STRN3: variants seen among roughly 807,000 people sequenced by gnomAD.
The protein encoded by STRN3 is striatin 3, also known as striatin-3.
STRN3 carries 29 observed loss-of-function variants against 95.6 expected under a neutral mutation model. The observed-to-expected ratio is 0.30, with a 90% CI of 0.23 to 0.41. STRN3 has a LOEUF of 0.41. Ranked by LOEUF, STRN3 falls within the 10% of genes least tolerant of loss-of-function variation. STRN3 has a pLI of 1.00. For synonymous variants in STRN3, 331 were observed against 357.6 expected, an observed-to-expected ratio of 0.93 and a Z score of 0.84; for missense variants, 890 against 972.1, an observed-to-expected ratio of 0.92 and a Z score of 1.12.
chr14:30,930,101 A>C (rs914099100), intron 7 of STRN3, among the ~76,000 whole-genome samples: 1 of 152,000 alleles, frequency 6.6e-6, no homozygotes, highest in African/African-American at 2.4e-5. Flanking sequence ...CAGCTATTTT[A>C]GCTGAATAAT....
chr14:30,913,821 A>C (rs1011808987), intron 9 of STRN3, among the ~76,000 whole-genome samples, 164 bp from the exon 10 acceptor site: 1 of 152,210 alleles, frequency 6.6e-6, no homozygotes, highest in African/African-American at 2.4e-5. Flanking sequence ...AGTGTTAAAC[A>C]AATGTGTTGG....
chr14:30,911,064 C>G lies in STRN3; in HGVS notation c.1697G>C (p.Ser566Thr). 6.2e-7 allele frequency: 1 copy of G among 1,613,930 alleles called. No individual in the cohort carries two copies. Among genetic ancestry groups the G allele is most frequent in the Non-Finnish European group, 8.5e-7 (1 of 1,179,960 alleles). The change falls in exon 13 of 18, where the codon AGT becomes ACT. Residue 566 changes from serine to threonine, a missense_variant. Physicochemically the swap from Ser to Thr is moderately conservative, Grantham distance 58 (BLOSUM62 1). Around this residue, in one of 3 missense-constraint regions of STRN3, gnomAD observed 357 missense variants for 422.8 expected, o/e 0.84. Coordinates refer to ENST00000357479, the MANE Select transcript of STRN3 (RefSeq NM_001083893.2). The part of the protein sequence containing the change: ...TIQWWNMPSP[S>T]VDPYDTYEPN... ...ACCATATGTATCATATGGATCTACA[C>G]TGGGACTCGGCATATTCCACCACTG...
intron 1 of STRN3, among the ~76,000 whole-genome samples, chr14:30,965,034 C>T (rs1185557211): frequency 1.3e-5 from 2 of 152,074 alleles, no homozygotes; most frequent in Admixed American, 6.5e-5. Context: ...AGTGTTCACA[C>T]AGAAAACATG....
chr14:30,952,241 CCATT>C (rs1303680196), intron 3 of STRN3, among the ~76,000 whole-genome samples: 1 of 152,096 alleles, frequency 6.6e-6, no homozygotes, highest in Non-Finnish European at 1.5e-5. Flanking sequence ...CCGTAAGTTC[CCATT>C]ATTAACATAA....
At chr14:30,997,013 TA>T (rs932798193) in intron 1 of STRN3, among the ~76,000 whole-genome samples, 15 of 145,110 alleles carry the variant, frequency 1.0e-4, no homozygotes, top group East Asian at 8.0e-4. Flanking sequence ...TAATAGACAA[TA>T]AAAAAAAAAC....
intron 8 of STRN3, among the ~76,000 whole-genome samples, chr14:30,923,556 A>G (rs964182679): frequency 6.6e-6 from 1 of 152,180 alleles, no homozygotes; most frequent in Admixed American, 6.5e-5. Context: ...GAAAATTAAG[A>G]TAAGTCCACT....
chr14:30,915,312 G>T (rs910261409), intron 9 of STRN3, among the ~76,000 whole-genome samples: 3 of 152,020 alleles, frequency 2.0e-5, no homozygotes, highest in Non-Finnish European at 4.4e-5. Context: ...ACTGTACTTA[G>T]AATATCTTGT....
intron 1 of STRN3, among the ~76,000 whole-genome samples, chr14:30,957,128 A>G (rs1879950346): frequency 6.6e-6 from 1 of 152,110 alleles, no homozygotes; most frequent in African/African-American, 2.4e-5. Flanking sequence ...ACTGCATTCC[A>G]GCCTGGGCAA....
intron 1 of STRN3, among the ~76,000 whole-genome samples, chr14:31,004,528 C>T (rs141090829): frequency 1.3e-5 from 2 of 152,210 alleles, no homozygotes; most frequent in East Asian, 3.9e-4. Context: ...AATCCCAGCA[C>T]TTTGGGAGGC....
intron 16 of STRN3, among the ~76,000 whole-genome samples, chr14:30,896,170 T>C (rs1394779775): frequency 2.0e-5 from 3 of 152,194 alleles, no homozygotes; most frequent in Non-Finnish European, 4.4e-5. Flanking sequence ...TAAGGGTACA[T>C]CCACCACTAC....
At chr14:30,925,053 T>C (rs972113573) in intron 8 of STRN3, among the ~76,000 whole-genome samples, 5 of 152,156 alleles carry the variant, frequency 3.3e-5, no homozygotes, top group Admixed American at 2.0e-4. Flanking sequence ...CCAAAATAAC[T>C]GCATCAAGCC....
chr14:30,939,382 A>G (rs1405181964), intron 5 of STRN3, among the ~76,000 whole-genome samples: 1 of 152,184 alleles, frequency 6.6e-6, no homozygotes, highest in African/African-American at 2.4e-5. Flanking sequence ...AATGACTAAA[A>G]TTAAGGAACG....
intron 13 of STRN3, among the ~76,000 whole-genome samples, chr14:30,909,396 C>CTTGGGG (rs1896551705): frequency 1.3e-4 from 2 of 15,236 alleles, no homozygotes; most frequent in Non-Finnish European, 3.3e-4. Flanking sequence ...AGCTCCTCAG[C>CTTGGGG]CTGGGAGGCG....
intron 3 of STRN3, among the ~76,000 whole-genome samples, chr14:30,952,836 T>C (rs1212740722): frequency 6.6e-6 from 1 of 152,122 alleles, no homozygotes; most frequent in African/African-American, 2.4e-5. Flanking sequence ...ATATAACACA[T>C]AATCACTGGA....
chr14:31,003,796 T>TTAAAA (rs71112372), intron 1 of STRN3, among the ~76,000 whole-genome samples: 67,698 of 115,356 alleles, frequency 0.59, 21,680 homozygotes, highest in Non-Finnish European at 0.7. Context: ...ACATCTTTCT[T>TTAAAA]AAAAAAAAAA....
intron 7 of STRN3, among the ~76,000 whole-genome samples, chr14:30,932,682 CAA>C (rs1362745496): frequency 2.0e-5 from 3 of 152,130 alleles, no homozygotes; most frequent in African/African-American, 7.2e-5. Flanking sequence ...GCTCTACCAT[CAA>C]AAGTCTTCAG....
intron 1 of STRN3, chr14:31,014,675 T>A: frequency 2.2e-6 from 1 of 458,736 alleles, no homozygotes; most frequent in Non-Finnish European, 4.5e-6. Flanking sequence ...CTCAAGGTAA[T>A]ACCAATACCT....
Position 30,906,968 on chromosome 14 carries a change from A to AT in STRN3, c.1796dup (p.Asn599LysfsTer13), listed in dbSNP as rs1248793734. 1 of 1,613,788 alleles carries AT rather than the reference A, an allele frequency of 6.2e-7. No individual in the cohort carries two copies. The highest frequency in any genetic ancestry group is 1.3e-5 in the African/African-American group (1 of 74,916). On this transcript the variant is annotated frameshift_variant, in exon 14 of 18. Coordinates refer to ENST00000357479, the MANE Select transcript of STRN3 (RefSeq NM_001083893.2). LOFTEE classifies it high-confidence loss of function. ...CATCTGCTGAACAAGACAGTAATTGATTTTTTATGCCACTATAAGCAAGAC... is the reference window on the plus strand; with the variant it reads ...CATCTGCTGAACAAGACAGTAATTGATTTTTTTATGCCACTATAAGCAAGAC...
intron 1 of STRN3, among the ~76,000 whole-genome samples, chr14:31,023,844 A>AC (rs914121386): frequency 3.3e-5 from 5 of 151,384 alleles, no homozygotes; most frequent in Non-Finnish European, 7.4e-5. Context: ...AAAAAAAAAA[A>AC]ACCAACGCCA....
Sources: allele counts gnomAD v4.1 joint callset (sites outside exome capture counted in the v4.1 genomes callset), GRCh38; gene constraint gnomAD v4.1.1; regional missense constraint gnomAD v4.1.1; transcripts MANE v1.5; gene names NCBI Gene and HGNC (gene_info 2026-07-23, HGNC 2026-07-21).